The following CHRM3 variants were observed in gnomAD, a reference collection of about 807,000 sequenced individuals.
CHRM3 encodes cholinergic receptor muscarinic 3.
Under a neutral mutation model 41.8 loss-of-function variants are expected in CHRM3, and 11 were observed. The ratio of observed to expected loss-of-function variants is 0.26; its 90% CI spans 0.17 to 0.44. The LOEUF (loss-of-function observed/expected upper bound fraction) is 0.44, where lower values mean the gene tolerates loss of function less well. CHRM3 is among the 20% of genes least tolerant of loss of function. The pLI is 1.00. For missense variants in CHRM3, 571 were observed against 745.4 expected, an observed-to-expected ratio of 0.77 and a Z score of 2.72; for synonymous variants, 297 against 301.4, an observed-to-expected ratio of 0.99 and a Z score of 0.15.
intron 3 of CHRM3, among the ~76,000 whole-genome samples, chr1:239,615,517 A>G (rs1667536602): frequency 6.6e-6 from 1 of 152,196 alleles, no homozygotes; most frequent in African/African-American, 2.4e-5. Flanking sequence ...TTTGGTTATT[A>G]GAATGCATTC....
At chr1:239,436,099 A>T (rs748648910) in intron 1 of CHRM3, among the ~76,000 whole-genome samples, 1 of 152,120 alleles carries the variant, frequency 6.6e-6, no homozygotes, top group Non-Finnish European at 1.5e-5. Context: ...GGATGTGAAT[A>T]TGTGTGTGTG....
intron 4 of CHRM3, among the ~76,000 whole-genome samples, chr1:239,639,909 A>T (rs1301743584): frequency 6.7e-6 from 1 of 148,514 alleles, no homozygotes; most frequent in Non-Finnish European, 1.5e-5. Context: ...TTTGTCATAG[A>T]TAGCTCTTAT....
At chr1:239,543,508 A>AT (rs1572659246) in intron 2 of CHRM3, among the ~76,000 whole-genome samples, 2 of 150,114 alleles carry the variant, frequency 1.3e-5, no homozygotes, top group Non-Finnish European at 3.0e-5. Flanking sequence ...CAACCGATTT[A>AT]TTTTATTTTT....
intron 1 of CHRM3, among the ~76,000 whole-genome samples, chr1:239,456,791 C>G (rs1664975009): frequency 6.6e-6 from 1 of 152,170 alleles, no homozygotes; most frequent in Non-Finnish European, 1.5e-5. Context: ...AGTACAACAG[C>G]TTGAGGCTGT....
chr1:239,796,249 G>A (rs1211515785), intron 5 of CHRM3, among the ~76,000 whole-genome samples: 1 of 151,840 alleles, frequency 6.6e-6, no homozygotes, highest in Non-Finnish European at 1.5e-5. Flanking sequence ...TTTTCCATTA[G>A]AGCTCAAGAA....
chr1:239,882,225 C>A (rs113778544), intron 6 of CHRM3, among the ~76,000 whole-genome samples: 52 of 152,204 alleles, frequency 3.4e-4, no homozygotes, highest in African/African-American at 1.3e-3. Flanking sequence ...TCATTTTAAC[C>A]GTGAGGAAAA....
chr1:239,465,929 C>T (rs746554464), intron 1 of CHRM3, among the ~76,000 whole-genome samples: 13 of 152,138 alleles, frequency 8.5e-5, no homozygotes, highest in African/African-American at 4.8e-5. Flanking sequence ...TCTTCCTCCT[C>T]GGCCTACTCA....
At chr1:239,607,725 T>C (rs1666507856) in intron 3 of CHRM3, among the ~76,000 whole-genome samples, 1 of 152,222 alleles carries the variant, frequency 6.6e-6, no homozygotes, top group Non-Finnish European at 1.5e-5. Flanking sequence ...CACATTAATT[T>C]TGGAATTTGT....
chr1:239,726,363 A>G (rs1364784283), intron 5 of CHRM3, among the ~76,000 whole-genome samples: 1 of 151,932 alleles, frequency 6.6e-6, no homozygotes, highest in East Asian at 1.9e-4. Flanking sequence ...TATGAGGTTA[A>G]TGTGCCATAT....
intron 1 of CHRM3, among the ~76,000 whole-genome samples, chr1:239,412,025 T>C (rs114774073): frequency 0.011 from 1,636 of 151,772 alleles, 31 homozygotes; most frequent in African/African-American, 0.037. Flanking sequence ...AGCCCTCTTA[T>C]AAATCTCTTT....
chr1:239,792,054 A>G (rs1669397554), intron 5 of CHRM3, among the ~76,000 whole-genome samples: 2 of 152,202 alleles, frequency 1.3e-5, no homozygotes, highest in Non-Finnish European at 2.9e-5. Flanking sequence ...TGGTTTCCTC[A>G]TTACCCTGCA....
chr1:239,514,045 A>G (rs1489601248), intron 2 of CHRM3, among the ~76,000 whole-genome samples: 1 of 152,184 alleles, frequency 6.6e-6, no homozygotes, highest in East Asian at 1.9e-4. Context: ...GTAGTTTTAC[A>G]GTAAGCTTTG....
chr1:239,388,908 A>T (rs1419141060), intron 1 of CHRM3, among the ~76,000 whole-genome samples: 4 of 152,230 alleles, frequency 2.6e-5, no homozygotes, highest in Non-Finnish European at 5.9e-5. Flanking sequence ...TGGGCTAGAA[A>T]GCACGTTATT....
rs561847387 is a variant in CHRM3, at chr1:239,496,482, G to C, written c.-422+3675G>C. Among the ~76,000 whole-genome samples, 191 of 149,882 alleles carry C rather than the reference G, an allele frequency of 1.3e-3. 1 individual carries two copies. The highest frequency in any genetic ancestry group is 6.8e-3 in the Middle Eastern group (2 of 292). On this transcript the variant is annotated intron_variant, in intron 2 of 6. Coordinates refer to ENST00000676153, the MANE Select transcript of CHRM3 (RefSeq NM_001375978.1). The stretch of plus-strand genomic sequence containing the variant: ...ATCTATCATCTACCTATTTATACAG[G>C]AAATATCTAGTGTATGCTAGTAATT...
intron 3 of CHRM3, chr1:239,605,913 T>C (rs1482346651): frequency 1.3e-5 from 2 of 151,908 alleles, no homozygotes; most frequent in African/African-American, 4.8e-5. Context: ...TCCAAGGGGG[T>C]TCTCTGGGTC....
chr1:239,421,295 A>G (rs1237690288), intron 1 of CHRM3, among the ~76,000 whole-genome samples: 1 of 152,178 alleles, frequency 6.6e-6, no homozygotes, highest in Non-Finnish European at 1.5e-5. Context: ...GAAACATGGC[A>G]TCATTATTGA....
intron 4 of CHRM3, among the ~76,000 whole-genome samples, chr1:239,653,548 G>A (rs888408713): frequency 3.9e-5 from 6 of 152,128 alleles, no homozygotes; most frequent in Non-Finnish European, 7.4e-5. Flanking sequence ...GAAGGTGGTC[G>A]TCTCTTCAGA....
rs61514483 is a variant in CHRM3 at position 239,679,027 on chromosome 1, GGATAGATAGATA to G, written c.-147+760_-147+771del. 3.0e-4 allele frequency among the ~76,000 whole-genome samples: 44 copies of G among 148,780 alleles called. No homozygotes were observed. In the South Asian group the frequency reaches 8.8e-3, roughly 30 times the overall value. ...ATGTAACATAGATAGGTAGATAGATGGATAGATAGATAGATAGATAGATAGATAGATATAGAC... is the reference window on the plus strand; with the variant it reads ...ATGTAACATAGATAGGTAGATAGATGGATAGATAGATAGATAGATATAGAC... On this transcript the variant is annotated intron_variant, in intron 5 of 6. Coordinates refer to ENST00000676153, the MANE Select transcript of CHRM3 (RefSeq NM_001375978.1).
chr1:239,830,221 G>A (rs1309746845), intron 6 of CHRM3, among the ~76,000 whole-genome samples: 1 of 152,136 alleles, frequency 6.6e-6, no homozygotes, highest in African/African-American at 2.4e-5. Context: ...ATTAAAATAT[G>A]TACTTCTTGA....
Sources: gnomAD v4.1 joint callset for allele counts (sites outside exome capture counted in the v4.1 genomes callset) on GRCh38, gnomAD v4.1.1 for gene constraint, MANE v1.5 for transcripts, NCBI Gene and HGNC (gene_info 2026-07-23, HGNC 2026-07-21) for gene names.